PRH1: variants seen among roughly 807,000 people sequenced by gnomAD.
The protein encoded by PRH1 is proline rich protein HaeIII subfamily 1.
Under a neutral mutation model 7.9 loss-of-function variants are expected in PRH1, and 7 were observed. The observed-to-expected ratio is 0.89, with a 90% CI of 0.50 to 1.67. The LOEUF (loss-of-function observed/expected upper bound fraction) is 1.67. PRH1 is among the 40% of genes most tolerant of loss of function. The pLI is 0.00. For missense variants in PRH1, 109 were observed against 223.6 expected, an observed-to-expected ratio of 0.49 and a Z score of 3.27; for synonymous variants, 45 against 80.8, an observed-to-expected ratio of 0.56 and a Z score of 2.38.
At chr12:11,046,369 C>A (rs527908297) in intron 1 of PRH1, among the ~76,000 whole-genome samples, 2 of 152,070 alleles carry the variant, frequency 1.3e-5, no homozygotes, top group Non-Finnish European at 2.9e-5. Flanking sequence ...GGTATAGGGA[C>A]CAGACAAAGC....
At chr12:11,064,482 T>A (rs1565612601) in intron 1 of PRH1, among the ~76,000 whole-genome samples, 1 of 152,132 alleles carries the variant, frequency 6.6e-6, no homozygotes, top group Admixed American at 6.6e-5. Flanking sequence ...TTCTTTCATA[T>A]ATCATTTGAT....
chr12:11,100,199 A>G (rs1336717266), intron 1 of PRH1, among the ~76,000 whole-genome samples: 1 of 152,198 alleles, frequency 6.6e-6, no homozygotes, highest in East Asian at 1.9e-4. Flanking sequence ...ACCGGAATGC[A>G]TCATAAACAG....
rs1945096162 is a variant in PRH1 at position 11,097,240 on chromosome 12, A to G, written n.124-50052T>C. The G allele has an allele frequency of 2.0e-5, 5 of 253,866 alleles. 2 individuals carry two copies. The East Asian group carries it at 4.3e-4, about 22-fold the overall frequency. 15.7% of individuals were successfully genotyped at this position (253,866 alleles called of 1,614,324 possible). ...AGACTTTAAGTCCCATGGAAACAAA[A>G]CTGAATCTGGTGCTTCTGTGGAATT... On this transcript the variant is annotated intron_variant and non_coding_transcript_variant, in intron 1 of 4. Transcript: ENST00000541977.
intron 1 of PRH1, among the ~76,000 whole-genome samples, chr12:11,162,835 C>A (rs1349552): frequency 0.02 from 3,065 of 152,268 alleles, 49 homozygotes; most frequent in Middle Eastern, 0.054. Flanking sequence ...ATGAAGAATA[C>A]CCCCTGGGCA....
At chr12:10,988,389 AG>A (rs1005097006) in intron 1 of PRH1, among the ~76,000 whole-genome samples, 2 of 152,084 alleles carry the variant, frequency 1.3e-5, no homozygotes, top group Non-Finnish European at 1.5e-5. Flanking sequence ...AGATAATTAA[AG>A]GTAATAAAAA....
intron 1 of PRH1, among the ~76,000 whole-genome samples, chr12:11,144,062 T>C (rs1420745049): frequency 1.3e-5 from 2 of 152,290 alleles, no homozygotes; most frequent in Non-Finnish European, 2.9e-5. Flanking sequence ...TTGTGCTGGT[T>C]GGCCTCCTAC....
intron 2 of PRH1, chr12:10,973,567 C>A: frequency 1.4e-6 from 1 of 693,758 alleles, no homozygotes; most frequent in Non-Finnish European, 2.6e-6. Flanking sequence ...TGTATAACTG[C>A]TTGCAATTTC....
Position 10,982,858 on chromosome 12 carries a change from G to A in PRH1, c.-125-9137C>T, listed in dbSNP as rs542810159. Among the ~76,000 whole-genome samples the A allele has an allele frequency of 2.4e-4, 36 of 152,252 alleles. No individual in the cohort carries two copies. The South Asian group carries it at 4.4e-3, about 18-fold the overall frequency. On this transcript the variant is annotated intron_variant, in intron 1 of 3. Coordinates refer to the PRH1 transcript ENST00000539853. The stretch of plus-strand genomic sequence containing the variant: ...ACATCCTTTTTACAGTAAATGGCAT[G>A]TTGCCCTATATATATATACTTCCTA...
At chr12:11,134,307 G>C in intron 1 of PRH1, 2 of 1,428,644 alleles carry the variant, frequency 1.4e-6, no homozygotes, top group Non-Finnish European at 1.9e-6. Context: ...GTGATTGCTT[G>C]AATATCCTGA....
intron 1 of PRH1, among the ~76,000 whole-genome samples, chr12:11,018,363 G>A (rs1293635304): frequency 1.3e-5 from 2 of 152,248 alleles, no homozygotes; most frequent in Non-Finnish European, 2.9e-5. Context: ...CAGTTGGAGG[G>A]CATGAGCACA....
At chr12:10,920,470 T>C (rs1326659502) in intron 2 of PRH1, among the ~76,000 whole-genome samples, 2 of 152,186 alleles carry the variant, frequency 1.3e-5, no homozygotes, top group African/African-American at 2.4e-5. Flanking sequence ...TATAACATCA[T>C]GAAACACTTT....
chr12:10,883,140 T>C, intron 1 of PRH1, 44 bp from the exon 2 acceptor site: 2 of 1,593,204 alleles, frequency 1.3e-6, no homozygotes, highest in Non-Finnish European at 1.7e-6. Context: ...ACTTCCTGAA[T>C]CATTCAAGGC....
At chr12:11,039,861 A>C (rs1338669224) in intron 1 of PRH1, among the ~76,000 whole-genome samples, 1 of 78,152 alleles carries the variant, frequency 1.3e-5, no homozygotes, top group Admixed American at 1.7e-4. Context: ...CCCCTCATGG[A>C]TAGAAGGAAT....
chr12:10,920,510 T>A (rs957400427), intron 2 of PRH1, among the ~76,000 whole-genome samples: 4 of 152,150 alleles, frequency 2.6e-5, no homozygotes, highest in African/African-American at 7.2e-5. Flanking sequence ...CAAAATATAG[T>A]TCTTATTTGT....
intron 1 of PRH1, among the ~76,000 whole-genome samples, chr12:11,135,390 G>T (rs2008253): frequency 0.22 from 33,946 of 151,992 alleles, 3,837 homozygotes; most frequent in Non-Finnish European, 0.24. Flanking sequence ...CCCAGAAGGA[G>T]AATCAGAAAC....
At chr12:11,054,971 T>C (rs1321634706) in intron 1 of PRH1, among the ~76,000 whole-genome samples, 1 of 116,592 alleles carries the variant, frequency 8.6e-6, no homozygotes, top group Admixed American at 9.1e-5. Context: ...CACTGCAAGC[T>C]CCATCTCCCA....
At chr12:11,062,240 T>C in intron 1 of PRH1, 1 of 1,613,226 alleles carries the variant, frequency 6.2e-7, no homozygotes, top group Non-Finnish European at 8.5e-7. Flanking sequence ...AAATTTCCAA[T>C]CACAAATGTA....
intron 2 of PRH1, among the ~76,000 whole-genome samples, chr12:10,893,292 A>G (rs758664879): frequency 6.6e-6 from 1 of 152,208 alleles, no homozygotes; most frequent in Non-Finnish European, 1.5e-5. Flanking sequence ...CCAATTATCA[A>G]TGCTGCAGGT....
intron 2 of PRH1, chr12:10,938,804 A>G (rs757317056): frequency 1.9e-6 from 3 of 1,613,320 alleles, no homozygotes; most frequent in Admixed American, 3.3e-5. Context: ...CGAAGTCACA[A>G]GAAGCAGCAC....
Sources: gnomAD v4.1 joint callset for allele counts (sites outside exome capture counted in the v4.1 genomes callset) on GRCh38, gnomAD v4.1.1 for gene constraint, MANE v1.5 for transcripts, NCBI Gene and HGNC (gene_info 2026-07-23, HGNC 2026-07-21) for gene names.